The following HEPHL1 variants were observed in gnomAD, a reference collection of about 807,000 sequenced individuals.
HEPHL1 encodes ferroxidase HEPHL1.
In HEPHL1, 123 loss-of-function variants were observed where a neutral mutation model predicts 122.0. The observed-to-expected ratio is 1.01, with a 90% CI of 0.87 to 1.17. The LOEUF (loss-of-function observed/expected upper bound fraction) is 1.17, where lower values mean the gene tolerates loss of function less well. Ranked by LOEUF, HEPHL1 falls within the 50% of genes most tolerant of loss-of-function variation. HEPHL1 has a pLI of 0.00. For missense variants in HEPHL1, 1,452 were observed against 1,430.5 expected (o/e 1.01, Z -0.24); for synonymous variants, 527 against 508.9 (o/e 1.04, Z -0.48).
At chr11:94,101,088 AC>A in intron 13 of HEPHL1, 106 bp from the exon 14 acceptor site, 1 of 1,276,592 alleles carries the variant, frequency 7.8e-7, no homozygotes, top group South Asian at 1.3e-5. Flanking sequence ...TCTCGGAAAA[AC>A]AACTAAAGCC....
At chr11:94,038,263 T>G (rs892271819) in intron 1 of HEPHL1, among the ~76,000 whole-genome samples, 2 of 149,692 alleles carry the variant, frequency 1.3e-5, no homozygotes, top group Non-Finnish European at 3.0e-5. Context: ...CTGAAAGTGA[T>G]GGGGAGAATG....
chr11:94,085,984 C>T lies in HEPHL1; in HGVS notation c.1875C>T (p.Asn625=), dbSNP rs370968648. ...FVKSNRMHAV[N]GYMYGNQPGL... The stretch of plus-strand genomic sequence containing the variant: ...CTTTCTTCTTCCATTTAGCTGTTAA[C>T]GGCTACATGTATGGCAACCAGCCAG... The change falls in exon 11 of 20, where the codon AAC becomes AAT. Residue 625 remains asparagine, a synonymous_variant. Transcript: ENST00000315765. The T allele has an allele frequency of 2.5e-4, 406 of 1,612,828 alleles. No individual in the cohort carries two copies. Among genetic ancestry groups the T allele is most frequent in the Middle Eastern group, 4.9e-4 (3 of 6,084 alleles).
At chr11:94,073,501 A>G (rs1201060073) in intron 8 of HEPHL1, 62 bp downstream of exon 8, 1 of 1,495,716 alleles carries the variant, frequency 6.7e-7, no homozygotes, top group Non-Finnish European at 9.1e-7. Context: ...TTAGAAATAA[A>G]CAGTCCTGGT....
At position 94,063,639 on chromosome 11, in the gene HEPHL1, A is replaced by G; in HGVS notation, c.547A>G (p.Thr183Ala). The change falls in exon 3 of 20, where the codon ACC (threonine) becomes GCC (alanine). Residue 183 changes from threonine to alanine, a missense_variant. Physicochemically the swap from Thr to Ala is moderately conservative, Grantham distance 58. Coordinates refer to ENST00000315765, the MANE Select transcript of HEPHL1 (RefSeq NM_001098672.2). ...APTPADANCLTWVYHSHIDAP... is the reference protein window; with the variant it reads ...APTPADANCLAWVYHSHIDAP... ...TACTCCAGCCGATGCCAACTGCCTGACCTGGGTGTACCATTCGCACATCGA... is the reference window on the plus strand; with the variant it reads ...TACTCCAGCCGATGCCAACTGCCTGGCCTGGGTGTACCATTCGCACATCGA... The G allele has an allele frequency of 1.2e-6, 2 of 1,613,906 alleles. No homozygotes were observed. Among genetic ancestry groups the G allele is most frequent in the Non-Finnish European group, 1.7e-6 (2 of 1,179,862 alleles).
chr11:94,111,069 C>T lies in HEPHL1; in HGVS notation c.3208+4C>T, dbSNP rs746816896. 19 of 1,566,882 alleles carry T rather than the reference C, an allele frequency of 1.2e-5. No homozygotes were observed. Among genetic ancestry groups the T allele is most frequent in the African/African-American group, 4.1e-5 (3 of 74,012 alleles). Reference sequence around the variant, plus strand: ...TACACGGTCCTTCGTAACATAGGTACGGTTGTCTGTCAGTGATGCCAGATG... The same window carrying T: ...TACACGGTCCTTCGTAACATAGGTATGGTTGTCTGTCAGTGATGCCAGATG... On this transcript the variant is annotated splice_donor_region_variant and intron_variant, in intron 18 of 19. Coordinates refer to ENST00000315765, the MANE Select transcript of HEPHL1 (RefSeq NM_001098672.2).
At chr11:94,110,589 T>C (rs368212357) in intron 17 of HEPHL1, among the ~76,000 whole-genome samples, 1 of 152,202 alleles carries the variant, frequency 6.6e-6, no homozygotes, top group Non-Finnish European at 1.5e-5. Context: ...CCACATGCTA[T>C]TGATTTCGCA....
rs1833819165 is a variant in HEPHL1, at chr11:94,112,328, A to G, written c.*434A>G. On this transcript the variant is annotated 3_prime_UTR_variant, in exon 20 of 20. Transcript: ENST00000315765. Reference sequence around the variant, plus strand: ...ACTGGAAGGGCACTACTTTTTCAACATTGTTGCATAACATGCATCCCTTGG... The same window carrying G: ...ACTGGAAGGGCACTACTTTTTCAACGTTGTTGCATAACATGCATCCCTTGG... 1.3e-5 allele frequency: 2 copies of G among 153,304 alleles called. No individual in the cohort carries two copies. Among genetic ancestry groups the G allele is most frequent in the African/African-American group, 4.8e-5 (2 of 41,506 alleles). 9.5% of individuals were successfully genotyped at this position (153,304 alleles called of 1,614,324 possible). A position where few individuals can be genotyped will look rare whatever the true frequency, so the allele number is the denominator to read the frequency against.
intron 1 of HEPHL1, among the ~76,000 whole-genome samples, chr11:94,028,766 CATTTAA>C (rs1346297066): frequency 6.6e-6 from 1 of 152,190 alleles, no homozygotes; most frequent in Non-Finnish European, 1.5e-5. Context: ...AAATATACTC[CATTTAA>C]ATTGGAGGTT....
rs76957193 is a variant in HEPHL1, at chr11:94,103,092, T to C, written c.2682+72T>C. 2,220 of 877,318 alleles carry C rather than the reference T, an allele frequency of 2.5e-3. 32 individuals carry two copies. The African/African-American group carries it at 0.031, about 12-fold the overall frequency. 54.3% of individuals were successfully genotyped at this position (877,318 alleles called of 1,614,324 possible). ...AGTTGACTACTTGGGTCATCACAAT[T>C]TGGGTTGGTATATGTGAAAGCGTAT... On this transcript the variant is annotated intron_variant, in intron 15 of 19. Coordinates refer to ENST00000315765, the MANE Select transcript of HEPHL1 (RefSeq NM_001098672.2).
chr11:94,095,481 CT>C (rs1441794784), intron 13 of HEPHL1, among the ~76,000 whole-genome samples: 28 of 152,264 alleles, frequency 1.8e-4, no homozygotes, highest in Non-Finnish European at 2.2e-4. Flanking sequence ...AATGTGGGCT[CT>C]TTTTTGGTTC....
At chr11:94,070,351 C>A in intron 5 of HEPHL1, 23 bp from the exon 6 acceptor site, 3 of 1,566,248 alleles carry the variant, frequency 1.9e-6, no homozygotes, top group East Asian at 2.3e-5. Context: ...TGCCTCAGCT[C>A]GTGGTTTTCC....
chr11:94,108,126 GT>G (rs1285955680), intron 17 of HEPHL1, among the ~76,000 whole-genome samples: 2 of 151,922 alleles, frequency 1.3e-5, no homozygotes, highest in Non-Finnish European at 2.9e-5. Flanking sequence ...GTATCTCATT[GT>G]TTTTCATTTA....
Position 94,113,390 on chromosome 11 carries a change from C to T in HEPHL1, c.*1496C>T, listed in dbSNP as rs976588135. ...TTTCACACTGTCTCATCTTCATCTT[C>T]ATGAGGGGAAATGGGTAATTGGATA... On this transcript the variant is annotated 3_prime_UTR_variant, in exon 20 of 20. Coordinates refer to ENST00000315765, the MANE Select transcript of HEPHL1 (RefSeq NM_001098672.2). The T allele has an allele frequency of 6.6e-6, 1 of 152,160 alleles. No homozygotes were observed. The allele number at this position is 152,160 out of a possible 1,614,324, so 9.4% of individuals were successfully genotyped here. A position where few individuals can be genotyped will look rare whatever the true frequency, so the allele number is the denominator to read the frequency against.
intron 2 of HEPHL1, 114 bp downstream of exon 2, chr11:94,046,031 C>G (rs927026764): frequency 1.3e-6 from 1 of 759,028 alleles, no homozygotes; most frequent in African/African-American, 1.8e-5. Context: ...TTTATCTTCT[C>G]TCTGTCTGCT....
At chr11:94,093,685 G>A (rs367856470) in intron 13 of HEPHL1, 45 bp downstream of exon 13, 78 of 1,591,600 alleles carry the variant, frequency 4.9e-5, no homozygotes, top group Non-Finnish European at 6.4e-5. Context: ...CCAAGCATGT[G>A]CATGCACACA....
intron 18 of HEPHL1, among the ~76,000 whole-genome samples, 164 bp downstream of exon 18, chr11:94,111,229 C>T (rs1336489891): frequency 2.6e-5 from 4 of 152,008 alleles, no homozygotes; most frequent in Non-Finnish European, 4.4e-5. Flanking sequence ...TGCTATGTGC[C>T]GTAGCAGAAT....
intron 13 of HEPHL1, among the ~76,000 whole-genome samples, chr11:94,100,116 T>C (rs1454090722): frequency 2.0e-5 from 3 of 152,208 alleles, no homozygotes; most frequent in Non-Finnish European, 4.4e-5. Flanking sequence ...CACTGGGAGC[T>C]GTAGACTGGA....
chr11:94,036,008 T>C (rs1945718957), intron 1 of HEPHL1, among the ~76,000 whole-genome samples: 1 of 152,234 alleles, frequency 6.6e-6, no homozygotes, highest in Non-Finnish European at 1.5e-5. Flanking sequence ...AGTGCTGGGA[T>C]TACAGGCGTG....
chr11:94,046,091 C>CTTTT lies in HEPHL1; in HGVS notation c.415+192_415+195dup, dbSNP rs755367459. ...TTCTGTCTCTCTCTTCCCTTTCTTG[C>CTTTT]TTTTTTTTTTTTTTTTTTTTTGAGA... On this transcript the variant is annotated intron_variant, in intron 2 of 19. Coordinates refer to ENST00000315765, the MANE Select transcript of HEPHL1 (RefSeq NM_001098672.2). Among the ~76,000 whole-genome samples the CTTTT allele has an allele frequency of 6.0e-3, 389 of 65,016 alleles. 94 individuals are homozygous for CTTTT. The highest frequency in any genetic ancestry group is 0.021 in the African/African-American group (322 of 15,700). The allele number at this position is 65,016 out of a possible 152,430, so 42.7% of individuals were successfully genotyped here. A position where few individuals can be genotyped will look rare whatever the true frequency, so the allele number is the denominator to read the frequency against.
Sources: allele counts gnomAD v4.1 joint callset (sites outside exome capture counted in the v4.1 genomes callset), GRCh38; gene constraint gnomAD v4.1.1; transcripts MANE v1.5; gene names NCBI Gene and HGNC (gene_info 2026-07-23, HGNC 2026-07-21).